The following RTN4IP1 variants were observed in gnomAD, a reference collection of about 807,000 sequenced individuals.
The protein encoded by RTN4IP1 is NAD(P)H oxidoreductase RTN4IP1, mitochondrial.
Under a neutral mutation model 46.6 loss-of-function variants are expected in RTN4IP1, and 32 were observed. The observed-to-expected ratio is 0.69, with a 90% CI of 0.52 to 0.92. The LOEUF is 0.92. RTN4IP1 is among the 40% of genes least tolerant of loss of function. The probability of loss-of-function intolerance (pLI) is 0.00; values close to 1 mark genes in which losing one functional copy is unlikely to be tolerated. For missense variants in RTN4IP1, 424 were observed against 485.8 expected, an observed-to-expected ratio of 0.87 and a Z score of 1.20; for synonymous variants, 167 against 161.8, an observed-to-expected ratio of 1.03 and a Z score of -0.24.
At chr6:106,576,397 A>G (rs991763022) in intron 8 of RTN4IP1, among the ~76,000 whole-genome samples, 1 of 152,206 alleles carries the variant, frequency 6.6e-6, no homozygotes, top group Non-Finnish European at 1.5e-5. Flanking sequence ...TTCCTCATAG[A>G]AACAATTTCA....
intron 4 of RTN4IP1, among the ~76,000 whole-genome samples, chr6:106,617,336 T>C (rs1375505753): frequency 6.6e-6 from 1 of 152,252 alleles, no homozygotes; most frequent in African/African-American, 2.4e-5. Context: ...TTGTTGAGAC[T>C]CTTTGCAATG....
At chr6:106,621,541 T>A in intron 2 of RTN4IP1, 48 bp from the exon 3 acceptor site, 1 of 1,551,138 alleles carries the variant, frequency 6.4e-7, no homozygotes. Context: ...CAGATATTTT[T>A]TGACCGAAGC....
At chr6:106,605,816 C>CACAA (rs1776053742) in intron 4 of RTN4IP1, among the ~76,000 whole-genome samples, 6 of 4,494 alleles carry the variant, frequency 1.3e-3, no homozygotes, top group African/African-American at 2.9e-3. Flanking sequence ...GACTCTGTCC[C>CACAA]AAAAAAAAAA....
chr6:106,596,538 A>T (rs970241555), intron 5 of RTN4IP1, among the ~76,000 whole-genome samples: 1 of 152,194 alleles, frequency 6.6e-6, no homozygotes, highest in African/African-American at 2.4e-5. Context: ...AGCTGTGATC[A>T]TGTCACTGCA....
intron 6 of RTN4IP1, among the ~76,000 whole-genome samples, chr6:106,589,716 A>C (rs1221914158): frequency 6.6e-6 from 1 of 152,232 alleles, no homozygotes; most frequent in East Asian, 1.9e-4. Flanking sequence ...CAAATACCTA[A>C]AAAGCTGCTA....
intron 1 of RTN4IP1, among the ~76,000 whole-genome samples, chr6:106,625,597 G>A (rs1776613740): frequency 6.6e-6 from 1 of 151,834 alleles, no homozygotes; most frequent in Non-Finnish European, 1.5e-5. Context: ...GAGAAATGGA[G>A]CAGTAGCTCG....
chr6:106,628,888 G>A lies in RTN4IP1; in HGVS notation c.134C>T (p.Ala45Val). 6.2e-7 allele frequency: 1 copy of A among 1,614,120 alleles called. No individual in the cohort carries two copies. The highest frequency in any genetic ancestry group is 8.5e-7 in the Non-Finnish European group (1 of 1,180,012). Residue 45 changes from alanine to valine, a missense_variant, in exon 1 of 9, where the codon GCT becomes GTT. Transcript: ENST00000369063. The stretch of plus-strand genomic sequence containing the variant: ...CTTCCCATATTTATCTATCACCCAA[G>A]CAGGCATGACAGTGCTCCTAGGAGA... ...TTSPRSTVMPAWVIDKYGKNE... is the reference protein window; with the variant it reads ...TTSPRSTVMPVWVIDKYGKNE...
chr6:106,590,714 C>CAAAAAAAAAAAA (rs35293436), intron 6 of RTN4IP1, among the ~76,000 whole-genome samples: 2 of 68,530 alleles, frequency 2.9e-5, no homozygotes, highest in Non-Finnish European at 5.1e-5. Flanking sequence ...GAATCCATCT[C>CAAAAAAAAAAAA]AAAAAAAAAA....
intron 4 of RTN4IP1, among the ~76,000 whole-genome samples, chr6:106,613,632 T>C (rs890859968): frequency 6.6e-6 from 1 of 152,178 alleles, no homozygotes; most frequent in Non-Finnish European, 1.5e-5. Context: ...GCCCCAGCCA[T>C]CTGAATGGAC....
intron 5 of RTN4IP1, among the ~76,000 whole-genome samples, chr6:106,600,496 A>C (rs1775916496): frequency 6.6e-6 from 1 of 152,136 alleles, no homozygotes; most frequent in Non-Finnish European, 1.5e-5. Context: ...AATGTTGTGC[A>C]ACCATCACCA....
chr6:106,601,736 G>A (rs1254497950), intron 5 of RTN4IP1, among the ~76,000 whole-genome samples: 1 of 152,046 alleles, frequency 6.6e-6, no homozygotes, highest in Non-Finnish European at 1.5e-5. Context: ...TCAGCCTCCT[G>A]AGTAACTGGA....
At chr6:106,580,598 A>G (rs560018712) in intron 8 of RTN4IP1, among the ~76,000 whole-genome samples, 2 of 152,018 alleles carry the variant, frequency 1.3e-5, no homozygotes, top group South Asian at 4.2e-4. Context: ...GGGCACCTGT[A>G]ATCCCAGCTA....
chr6:106,620,956 C>T (rs1776470429), intron 3 of RTN4IP1, among the ~76,000 whole-genome samples: 1 of 152,148 alleles, frequency 6.6e-6, no homozygotes, highest in African/African-American at 2.4e-5. Context: ...TCAGTAATAA[C>T]CTTTTCCCCC....
At chr6:106,607,047 A>G (rs533450717) in intron 4 of RTN4IP1, among the ~76,000 whole-genome samples, 1 of 152,334 alleles carries the variant, frequency 6.6e-6, no homozygotes, top group East Asian at 1.9e-4. Context: ...TGGTATAAAA[A>G]CAGATACATA....
At chr6:106,626,507 C>T (rs1776649197) in intron 1 of RTN4IP1, among the ~76,000 whole-genome samples, 1 of 152,224 alleles carries the variant, frequency 6.6e-6, no homozygotes, top group Non-Finnish European at 1.5e-5. Context: ...TCGTGTCAAA[C>T]TTTAGCTGCT....
chr6:106,619,309 T>C lies in RTN4IP1; in HGVS notation c.513A>G (p.Lys171=). 6.2e-7 allele frequency: 1 copy of C among 1,614,154 alleles called. No individual in the cohort carries two copies. Among genetic ancestry groups the C allele is most frequent in the South Asian group, 1.1e-5 (1 of 91,076 alleles). ...VSGNEVSHKP[K]SLTHTQAASL... ...AGGCAGCTTGAGTATGAGTGAGTGATTTGGGTTTGTGAGAGACCTACATTT... is the reference window on the plus strand; with the variant it reads ...AGGCAGCTTGAGTATGAGTGAGTGACTTGGGTTTGTGAGAGACCTACATTT... The change falls in exon 4 of 9, where the codon AAA becomes AAG. Residue 171 remains lysine, a synonymous_variant. Coordinates refer to ENST00000369063, the MANE Select transcript of RTN4IP1 (RefSeq NM_032730.5).
intron 6 of RTN4IP1, among the ~76,000 whole-genome samples, chr6:106,591,214 C>G (rs1166208571): frequency 6.6e-6 from 1 of 152,136 alleles, no homozygotes; most frequent in African/African-American, 2.4e-5. Flanking sequence ...ACCGCCCAAA[C>G]AAGAATGTAA....
intron 3 of RTN4IP1, among the ~76,000 whole-genome samples, chr6:106,619,605 C>CG (rs1776433489): frequency 7.4e-6 from 1 of 134,804 alleles, no homozygotes; most frequent in Non-Finnish European, 1.6e-5. Flanking sequence ...TACTTTTCTT[C>CG]ATTTTTTTTT....
chr6:106,613,851 C>G (rs963010278), intron 4 of RTN4IP1, among the ~76,000 whole-genome samples: 10 of 152,144 alleles, frequency 6.6e-5, no homozygotes, highest in African/African-American at 2.4e-4. Flanking sequence ...CTCTACAACC[C>G]CTTATCTTAA....
Sources: allele counts gnomAD v4.1 joint callset (sites outside exome capture counted in the v4.1 genomes callset), GRCh38; gene constraint gnomAD v4.1.1; transcripts MANE v1.5; gene names NCBI Gene and HGNC (gene_info 2026-07-23, HGNC 2026-07-21).